Variants in CENPA observed in about 807,000 individuals in gnomAD.
CENPA encodes the protein centromere protein A, also known as histone H3-like centromeric protein A.
CENPA carries 7 observed loss-of-function variants against 17.2 expected under a neutral mutation model. That is an observed-to-expected ratio of 0.41 (90% CI 0.23 to 0.76). CENPA has a LOEUF of 0.76. CENPA is among the 30% of genes least tolerant of loss of function. The probability of loss-of-function intolerance (pLI) is 0.34; values close to 1 mark genes in which losing one functional copy is unlikely to be tolerated. For missense variants in CENPA, 149 were observed against 193.1 expected (o/e 0.77, Z 1.35); for synonymous variants, 82 against 77.4 (o/e 1.06, Z -0.31).
chr2:26,793,117 G>A (rs766511602), intron 3 of CENPA, 28 bp from the exon 4 acceptor site: 8 of 1,613,014 alleles, frequency 5.0e-6, no homozygotes, highest in East Asian at 2.2e-5. Context: ...CTTCATCTGT[G>A]TCCGTCTTTT....
At chr2:26,787,827 T>C (rs879554497) in intron 1 of CENPA, among the ~76,000 whole-genome samples, 2 of 152,220 alleles carry the variant, frequency 1.3e-5, no homozygotes, top group Admixed American at 6.5e-5. Flanking sequence ...ACTTGCTGAA[T>C]TCTCGTTCAC....
At chr2:26,789,595 A>G (rs1432418020) in intron 1 of CENPA, among the ~76,000 whole-genome samples, 2 of 151,950 alleles carry the variant, frequency 1.3e-5, no homozygotes, top group Admixed American at 6.6e-5. Context: ...GTTAAACTTA[A>G]CACACCCAAA....
At chr2:26,793,000 G>T in intron 3 of CENPA, 145 bp from the exon 4 acceptor site, 1 of 1,306,090 alleles carries the variant, frequency 7.7e-7, no homozygotes, top group Non-Finnish European at 1.1e-6. Context: ...GGTGATAGCA[G>T]AATTCCCTGG....
intron 1 of CENPA, among the ~76,000 whole-genome samples, chr2:26,791,736 G>T (rs1664618176): frequency 6.6e-6 from 1 of 152,178 alleles, no homozygotes; most frequent in African/African-American, 2.4e-5. Flanking sequence ...TCTAAGACTT[G>T]TACAAAGTCC....
chr2:26,787,376 C>T lies in CENPA; in HGVS notation c.100+1080C>T, dbSNP rs552515330. ...GACTACAGGCGCCTACCACCACGCC[C>T]GGCTAATTTTTTGTATTTTTGGTAG... On this transcript the variant is annotated intron_variant, in intron 1 of 4. Coordinates refer to ENST00000335756, the MANE Select transcript of CENPA (RefSeq NM_001809.4). 2.0e-5 allele frequency among the ~76,000 whole-genome samples: 3 copies of T among 150,724 alleles called. No homozygotes were observed. The South Asian group carries it at 6.3e-4, about 32-fold the overall frequency.
In CENPA at chr2:26,793,317, C is replaced by T. The variant is rs1664654593; in HGVS notation, c.*38C>T. The T allele has an allele frequency of 3.1e-6, 5 of 1,610,564 alleles. No individual in the cohort carries two copies. Among genetic ancestry groups the T allele is most frequent in the Admixed American group, 1.7e-5 (1 of 59,772 alleles). Reference sequence around the variant, plus strand: ...AGTGTTTCTGTCAGTCTTTCCTGCTCAGCCAGGGGGTAAGCTCATCCTCTT... The same window carrying T: ...AGTGTTTCTGTCAGTCTTTCCTGCTTAGCCAGGGGGTAAGCTCATCCTCTT... On this transcript the variant is annotated 3_prime_UTR_variant, in exon 4 of 5. Transcript: ENST00000335756.
intron 1 of CENPA, among the ~76,000 whole-genome samples, chr2:26,791,682 A>T (rs905645671): frequency 2.0e-5 from 3 of 152,206 alleles, no homozygotes; most frequent in Non-Finnish European, 4.4e-5. Context: ...CCAACAAAAA[A>T]TCTAAAACCA....
chr2:26,789,773 C>T (rs1013034721), intron 1 of CENPA, among the ~76,000 whole-genome samples: 1 of 152,174 alleles, frequency 6.6e-6, no homozygotes, highest in African/African-American at 2.4e-5. Context: ...TCCTTAATCA[C>T]TCCATTTTCA....
chr2:26,788,256 G>A lies in CENPA; in HGVS notation c.100+1960G>A, dbSNP rs541873133. Among the ~76,000 whole-genome samples, 3 of 152,206 alleles carry A rather than the reference G, an allele frequency of 2.0e-5. No homozygotes were observed. In the South Asian group the frequency reaches 6.2e-4, roughly 32 times the overall value. ...AGCCTTGACCTCCTGGGCTCATGCAGTCCTCCTGCTTCACCCTCCTGAATA... is the reference window on the plus strand; with the variant it reads ...AGCCTTGACCTCCTGGGCTCATGCAATCCTCCTGCTTCACCCTCCTGAATA... On this transcript the variant is annotated intron_variant, in intron 1 of 4. Coordinates refer to ENST00000335756, the MANE Select transcript of CENPA (RefSeq NM_001809.4).
chr2:26,786,793 G>C (rs1480868145), intron 1 of CENPA, among the ~76,000 whole-genome samples: 1 of 152,216 alleles, frequency 6.6e-6, no homozygotes, highest in Non-Finnish European at 1.5e-5. Flanking sequence ...CCTCTTAGGA[G>C]GTGTCTTTCA....
At chr2:26,792,305 T>G in intron 2 of CENPA, 65 bp downstream of exon 2, 1 of 1,253,518 alleles carries the variant, frequency 8.0e-7, no homozygotes, top group East Asian at 2.4e-5. Flanking sequence ...TTCCCAGGTA[T>G]TAGGGACCCT....
At chr2:26,788,523 T>G (rs1054675099) in intron 1 of CENPA, among the ~76,000 whole-genome samples, 3 of 152,148 alleles carry the variant, frequency 2.0e-5, no homozygotes, top group Non-Finnish European at 4.4e-5. Context: ...GGTGTCCCCC[T>G]TCCTATCAAA....
At chr2:26,793,405 C>A in intron 4 of CENPA, 79 bp downstream of exon 4, 1 of 1,250,052 alleles carries the variant, frequency 8.0e-7, no homozygotes, top group Non-Finnish European at 1.1e-6. Context: ...TCCCTTGTCA[C>A]CTCGCCTTCC....
intron 1 of CENPA, among the ~76,000 whole-genome samples, chr2:26,788,788 G>C (rs1664562320): frequency 6.6e-6 from 1 of 152,168 alleles, no homozygotes; most frequent in African/African-American, 2.4e-5. Context: ...CGATTCTCCT[G>C]CCTCAGCCTC....
intron 3 of CENPA, 72 bp from the exon 4 acceptor site, chr2:26,793,070 AGTT>A: frequency 1.3e-6 from 2 of 1,572,526 alleles, no homozygotes; most frequent in Non-Finnish European, 1.7e-6. Flanking sequence ...TCAGAGATTA[AGTT>A]TAGCAGGTTT....
At chr2:26,790,924 CTTGGTG>C (rs754929388) in intron 1 of CENPA, among the ~76,000 whole-genome samples, 15 of 152,234 alleles carry the variant, frequency 9.9e-5, no homozygotes, top group Non-Finnish European at 1.5e-4. Context: ...TTCTATCGAA[CTTGGTG>C]TAGAGTCTCT....
intron 4 of CENPA, 70 bp downstream of exon 4, chr2:26,793,396 C>T (rs1664656027): frequency 2.3e-6 from 3 of 1,331,408 alleles, no homozygotes; most frequent in Admixed American, 4.5e-5. Context: ...CATCCATAGT[C>T]CCTTGTCACC....
intron 2 of CENPA, 188 bp downstream of exon 2, chr2:26,792,428 C>T (rs1286298819): frequency 1.4e-6 from 1 of 702,882 alleles, no homozygotes; most frequent in Non-Finnish European, 2.6e-6. Flanking sequence ...GAATTGATTT[C>T]TAACCTCTAC....
Position 26,786,232 on chromosome 2 carries a change from C to G in CENPA, c.36C>G (p.Ala12=). 1 of 1,429,640 alleles carries G rather than the reference C, an allele frequency of 7.0e-7. No homozygotes were observed. The highest frequency in any genetic ancestry group is 9.1e-7 in the Non-Finnish European group (1 of 1,098,396). The allele number at this position is 1,429,640 out of a possible 1,614,324, so 88.6% of individuals were successfully genotyped here. ...GPRRRSRKPE[A]PRRRSPSPTP... ...GCCGCCGGAGCCGAAAGCCCGAGGC[C>G]CCGAGGAGGCGCAGCCCGAGCCCGA... The change falls in exon 1 of 5, where the codon GCC becomes GCG. Residue 12 remains alanine (A), a synonymous_variant. Coordinates refer to ENST00000335756, the MANE Select transcript of CENPA (RefSeq NM_001809.4).
Sources: gnomAD v4.1 joint callset for allele counts (sites outside exome capture counted in the v4.1 genomes callset) on GRCh38, gnomAD v4.1.1 for gene constraint, MANE v1.5 for transcripts, NCBI Gene and HGNC (gene_info 2026-07-23, HGNC 2026-07-21) for gene names.